Variants in ANTXR1 observed in about 807,000 individuals in gnomAD.
ANTXR1 encodes the protein anthrax toxin receptor 1.
ANTXR1 carries 19 observed loss-of-function variants against 78.1 expected under a neutral mutation model. That is an observed-to-expected ratio of 0.24 (90% CI 0.17 to 0.36). The LOEUF is 0.36. Among genes scored for constraint, ANTXR1 ranks in the 10% least tolerant of loss-of-function variants. The pLI is 1.00. For missense variants in ANTXR1, 518 were observed against 718.6 expected (o/e 0.72, Z 3.19); for synonymous variants, 273 against 260.5 (o/e 1.05, Z -0.46).
At chr2:69,132,848 C>T (rs185288718) in intron 12 of ANTXR1, among the ~76,000 whole-genome samples, 1 of 152,316 alleles carries the variant, frequency 6.6e-6, no homozygotes, top group Non-Finnish European at 1.5e-5. Flanking sequence ...GTGTTAGGGA[C>T]TCGAAGAATA....
chr2:69,072,861 C>G (rs901729669), intron 5 of ANTXR1, among the ~76,000 whole-genome samples, 161 bp from the exon 6 acceptor site: 9 of 152,250 alleles, frequency 5.9e-5, no homozygotes, highest in African/African-American at 1.9e-4. Flanking sequence ...GGGGATCCTT[C>G]TTCATGCTGG....
chr2:69,090,260 T>C (rs755185042), intron 8 of ANTXR1, among the ~76,000 whole-genome samples: 53 of 151,878 alleles, frequency 3.5e-4, no homozygotes, highest in Non-Finnish European at 6.2e-4. Context: ...CACTCTCTTA[T>C]TTCTGCTTTT....
At chr2:69,146,331 T>C in intron 12 of ANTXR1, 1 of 985,450 alleles carries the variant, frequency 1.0e-6, no homozygotes, top group Non-Finnish European at 1.2e-6. Context: ...GTTAAAATTG[T>C]TAAAATTAAA....
At chr2:69,125,544 C>G (rs959382554) in intron 12 of ANTXR1, among the ~76,000 whole-genome samples, 17 of 152,146 alleles carry the variant, frequency 1.1e-4, no homozygotes, top group Non-Finnish European at 2.2e-4. Context: ...TAGCTTGTGT[C>G]AAGACCTCAA....
At chr2:69,180,588 T>G (rs10173269) in intron 14 of ANTXR1, among the ~76,000 whole-genome samples, 87,157 of 151,636 alleles carry the variant, frequency 0.57, 27,281 homozygotes, top group African/African-American at 0.83. Flanking sequence ...TGCAGACACT[T>G]AATTAACTGC....
chr2:69,065,863 C>A (rs73934663), intron 3 of ANTXR1, among the ~76,000 whole-genome samples: 1 of 152,152 alleles, frequency 6.6e-6, no homozygotes, highest in Non-Finnish European at 1.5e-5. Context: ...CAATTGGAGC[C>A]ATAAGGCCAT....
chr2:69,155,295 T>C (rs1443618378), intron 13 of ANTXR1, among the ~76,000 whole-genome samples: 3 of 152,220 alleles, frequency 2.0e-5, no homozygotes, highest in Non-Finnish European at 4.4e-5. Flanking sequence ...GGTGGACCTC[T>C]GGCTTTTAAG....
intron 12 of ANTXR1, among the ~76,000 whole-genome samples, chr2:69,132,738 TAAGGA>T (rs2104399552): frequency 6.6e-6 from 1 of 152,310 alleles, no homozygotes; most frequent in East Asian, 1.9e-4. Context: ...GCCTCTTTAC[TAAGGA>T]AAGAAGGATG....
In ANTXR1 at chr2:69,123,923, G is replaced by A. The variant is rs57491952; in HGVS notation, c.873-642G>A. Among the ~76,000 whole-genome samples, 1,357 of 152,292 alleles carry A rather than the reference G, an allele frequency of 8.9e-3. 20 individuals are homozygous for A. The highest frequency in any genetic ancestry group is 0.031 in the African/African-American group (1,276 of 41,548). ...GTTCATCTGAATTTTGCCTTCAATC[G>A]TGTGTTCATATTGTGAAACCTCCAA... On this transcript the variant is annotated intron_variant, in intron 11 of 17. Coordinates refer to ENST00000303714, the MANE Select transcript of ANTXR1 (RefSeq NM_032208.3).
At chr2:69,220,266 TCTC>T (rs549002967) in intron 17 of ANTXR1, among the ~76,000 whole-genome samples, 146 of 152,298 alleles carry the variant, frequency 9.6e-4, no homozygotes, top group African/African-American at 3.2e-3. Flanking sequence ...ATTTTTGCTC[TCTC>T]CTCATCATAC....
intron 17 of ANTXR1, among the ~76,000 whole-genome samples, chr2:69,232,579 A>G (rs1347540636): frequency 1.3e-5 from 2 of 152,080 alleles, no homozygotes; most frequent in Non-Finnish European, 2.9e-5. Flanking sequence ...TCAAAACTGC[A>G]ATTAACTGGG....
In ANTXR1 at chr2:69,085,500, TA is replaced by T. The variant is rs578026021; in HGVS notation, c.643-5358del. 1.2e-4 allele frequency among the ~76,000 whole-genome samples: 18 copies of T among 152,264 alleles called. No homozygotes were observed. The South Asian group carries it at 3.1e-3, about 26-fold the overall frequency. On this transcript the variant is annotated intron_variant, in intron 8 of 17. Transcript: ENST00000303714. ...TCAGAAGACCCTGAGGTTACACTTA[TA>T]GGGGGAAAGGGAGATTAATACATAA...
chr2:69,114,330 G>A (rs1013707580), intron 10 of ANTXR1, among the ~76,000 whole-genome samples: 2 of 152,214 alleles, frequency 1.3e-5, no homozygotes, highest in African/African-American at 4.8e-5. Flanking sequence ...AGGCAGACCA[G>A]CTGTGCTGAC....
chr2:69,023,493 TATG>T (rs374658786), intron 1 of ANTXR1, among the ~76,000 whole-genome samples: 1,714 of 135,916 alleles, frequency 0.013, 29 homozygotes, highest in African/African-American at 0.049. Flanking sequence ...GTGATGGTGA[TATG>T]GTGGTGGTGG....
intron 9 of ANTXR1, among the ~76,000 whole-genome samples, chr2:69,099,246 T>A (rs1413233220): frequency 1.3e-5 from 2 of 152,232 alleles, no homozygotes; most frequent in Non-Finnish European, 2.9e-5. Flanking sequence ...TTATTTAGCA[T>A]AATGTTTTCA....
At position 69,123,077 on chromosome 2, in the gene ANTXR1, A is replaced by G; in HGVS notation, c.863A>G (p.Glu288Gly). The change falls in exon 11 of 18, where the codon GAA becomes GGA. Residue 288 changes from glutamate (E) to glycine (G), a missense_variant. This residue lies in a region of ANTXR1 where 264 missense variants were observed against 391.8 expected (regional missense o/e 0.67). Coordinates refer to ENST00000303714, the MANE Select transcript of ANTXR1 (RefSeq NM_032208.3). ...CTGTGTCCAGCGCCTATCTTAAAAG[A>G]AGTTGGCATGTAAGTTTTCACCAGC... ...YLLCPAPILK[E>G]VGMKAALQVS... The G allele has an allele frequency of 1.2e-6, 2 of 1,614,174 alleles. No homozygotes were observed.
chr2:69,197,234 A>T (rs1674686411), intron 17 of ANTXR1, among the ~76,000 whole-genome samples: 1 of 152,220 alleles, frequency 6.6e-6, no homozygotes, highest in African/African-American at 2.4e-5. Context: ...TGATTCTAAG[A>T]TTGTTAAAAT....
At chr2:69,207,495 T>C (rs913944430) in intron 17 of ANTXR1, among the ~76,000 whole-genome samples, 1 of 152,200 alleles carries the variant, frequency 6.6e-6, no homozygotes, top group Non-Finnish European at 1.5e-5. Flanking sequence ...AGATGCAGTT[T>C]CACGTACAGT....
chr2:69,128,393 T>A (rs1672617933), intron 12 of ANTXR1, among the ~76,000 whole-genome samples: 1 of 152,240 alleles, frequency 6.6e-6, no homozygotes, highest in Non-Finnish European at 1.5e-5. Flanking sequence ...AATTATTAGC[T>A]GTTTTATAGT....
Sources: gnomAD v4.1 joint callset for allele counts (sites outside exome capture counted in the v4.1 genomes callset) on GRCh38, gnomAD v4.1.1 for gene constraint, gnomAD v4.1.1 regional missense constraint, MANE v1.5 for transcripts, NCBI Gene and HGNC (gene_info 2026-07-23, HGNC 2026-07-21) for gene names.